The following ZNF704 variants were observed in gnomAD, a reference collection of about 807,000 sequenced individuals.
The protein encoded by ZNF704 is glucocorticoid induced gene 1.
ZNF704 carries 10 observed loss-of-function variants against 44.7 expected under a neutral mutation model. That is an observed-to-expected ratio of 0.22 (90% CI 0.14 to 0.38). The LOEUF (loss-of-function observed/expected upper bound fraction) is 0.38. ZNF704 is among the 10% of genes least tolerant of loss of function. The pLI is 1.00. For missense variants in ZNF704, 390 were observed against 545.5 expected (o/e 0.71, Z 2.84); for synonymous variants, 211 against 207.6 (o/e 1.02, Z -0.14).
chr8:80,724,653 G>T (rs1392194299), intron 2 of ZNF704, among the ~76,000 whole-genome samples: 1 of 152,002 alleles, frequency 6.6e-6, no homozygotes, highest in Non-Finnish European at 1.5e-5. Flanking sequence ...GTCAGGCTTC[G>T]TTCCCCTTCT....
chr8:80,873,833 G>A (rs1809305646), intron 1 of ZNF704, among the ~76,000 whole-genome samples: 1 of 147,510 alleles, frequency 6.8e-6, no homozygotes, highest in Admixed American at 6.7e-5. Context: ...GGTGGCCCGA[G>A]GGGGGCCGGT....
chr8:80,868,147 T>C (rs1213575589), intron 1 of ZNF704, among the ~76,000 whole-genome samples: 1 of 152,166 alleles, frequency 6.6e-6, no homozygotes, highest in African/African-American at 2.4e-5. Flanking sequence ...CGTCTGTTTG[T>C]GTGTTTGTTT....
chr8:80,683,307 C>T (rs1166485261), intron 4 of ZNF704, among the ~76,000 whole-genome samples: 1 of 152,178 alleles, frequency 6.6e-6, no homozygotes, highest in East Asian at 1.9e-4. Context: ...CCTTTCATTT[C>T]CCTTCTCACA....
intron 1 of ZNF704, among the ~76,000 whole-genome samples, chr8:80,828,664 T>C (rs1369095850): frequency 6.6e-6 from 1 of 152,236 alleles, no homozygotes; most frequent in Admixed American, 6.5e-5. Context: ...CAAATAGATT[T>C]AGATTTATAG....
chr8:80,716,512 A>T (rs1333325434), intron 2 of ZNF704, among the ~76,000 whole-genome samples: 1 of 152,230 alleles, frequency 6.6e-6, no homozygotes, highest in Non-Finnish European at 1.5e-5. Context: ...AGCCCAAGTC[A>T]TTTAAAAGAC....
At chr8:80,863,094 A>G (rs1809096811) in intron 1 of ZNF704, among the ~76,000 whole-genome samples, 1 of 151,926 alleles carries the variant, frequency 6.6e-6, no homozygotes, top group African/African-American at 2.4e-5. Context: ...ACAAGACTAC[A>G]TTTTTTCAAA....
chr8:80,765,239 C>G (rs993434662), intron 2 of ZNF704, among the ~76,000 whole-genome samples: 3 of 152,108 alleles, frequency 2.0e-5, no homozygotes, highest in Admixed American at 6.5e-5. Flanking sequence ...AAGAGAGAGG[C>G]CTTCTGTATT....
intron 1 of ZNF704, among the ~76,000 whole-genome samples, chr8:80,822,504 CAT>C (rs1309629912): frequency 2.6e-5 from 4 of 152,162 alleles, no homozygotes; most frequent in Non-Finnish European, 5.9e-5. Context: ...CCAAAATAAA[CAT>C]ATGTGTGCAT....
At chr8:80,728,260 T>C (rs1437617972) in intron 2 of ZNF704, among the ~76,000 whole-genome samples, 2 of 152,202 alleles carry the variant, frequency 1.3e-5, no homozygotes, top group African/African-American at 4.8e-5. Context: ...GTAGGGAATT[T>C]GCCTCAGGTC....
intron 2 of ZNF704, among the ~76,000 whole-genome samples, chr8:80,798,530 T>C (rs1586035400): frequency 6.6e-6 from 1 of 152,194 alleles, no homozygotes; most frequent in Admixed American, 6.5e-5. Context: ...GCTGGGATTA[T>C]AGGCGTGAGC....
intron 1 of ZNF704, among the ~76,000 whole-genome samples, chr8:80,826,124 T>C (rs185218747): frequency 0.014 from 2,069 of 152,050 alleles, 30 homozygotes; most frequent in Non-Finnish European, 0.02. Context: ...TTCAAAAAAA[T>C]CAATGAATCC....
intron 7 of ZNF704, among the ~76,000 whole-genome samples, chr8:80,649,043 G>A (rs1315377200): frequency 6.6e-6 from 1 of 152,138 alleles, no homozygotes; most frequent in East Asian, 1.9e-4. Context: ...CCATTTCCAA[G>A]TTCTATTTTG....
At chr8:80,822,230 C>CATTTACATTAGGTAT (rs1808285379) in intron 1 of ZNF704, among the ~76,000 whole-genome samples, 1 of 152,028 alleles carries the variant, frequency 6.6e-6, no homozygotes, top group African/African-American at 2.4e-5. Flanking sequence ...GTTAACTCAT[C>CATTTACATTAGGTAT]ATTTACATTA....
Position 80,664,763 on chromosome 8 carries a change from C to T in ZNF704, c.927+52G>A, listed in dbSNP as rs1029971566. ...CTTTTACTCATAGGCCAGATGGCCCCTGGTTTTGGTCAAGGTCAAAGTGAT... is the reference window on the plus strand; with the variant it reads ...CTTTTACTCATAGGCCAGATGGCCCTTGGTTTTGGTCAAGGTCAAAGTGAT... On this transcript the variant is annotated intron_variant, in intron 6 of 8. Coordinates refer to ENST00000327835, the MANE Select transcript of ZNF704 (RefSeq NM_001033723.3). 8.7e-6 allele frequency: 14 copies of T among 1,605,836 alleles called. No homozygotes were observed. In the African/African-American group the frequency reaches 1.9e-4, roughly 22 times the overall value.
chr8:80,663,394 G>A (rs987052677), intron 6 of ZNF704, among the ~76,000 whole-genome samples: 1 of 151,392 alleles, frequency 6.6e-6, no homozygotes, highest in African/African-American at 2.4e-5. Flanking sequence ...GTAACTTCTG[G>A]CAGGAAAAAA....
rs553400625 is a variant in ZNF704, at chr8:80,631,792, G to A, written c.*9574C>T. On this transcript the variant is annotated 3_prime_UTR_variant, in exon 9 of 9. Coordinates refer to ENST00000327835, the MANE Select transcript of ZNF704 (RefSeq NM_001033723.3). ...TCACCTAAAACCGTTCAGACAGATGGAATATTTCCCCCGAAGGGAGGGAAT... is the reference window on the plus strand; with the variant it reads ...TCACCTAAAACCGTTCAGACAGATGAAATATTTCCCCCGAAGGGAGGGAAT... 6 of 152,228 alleles carry A rather than the reference G, an allele frequency of 3.9e-5. No homozygotes were observed. Among genetic ancestry groups the A allele is most frequent in the African/African-American group, 1.4e-4 (6 of 41,450 alleles). 9.4% of individuals were successfully genotyped at this position (152,228 alleles called of 1,614,324 possible).
intron 4 of ZNF704, among the ~76,000 whole-genome samples, chr8:80,680,750 T>C (rs1158901307): frequency 2.0e-5 from 3 of 152,182 alleles, no homozygotes; most frequent in South Asian, 2.1e-4. Context: ...CCTTACCTTT[T>C]GGGGGCTTTA....
intron 4 of ZNF704, among the ~76,000 whole-genome samples, chr8:80,686,642 C>T (rs570525119): frequency 2.0e-5 from 3 of 152,202 alleles, no homozygotes; most frequent in Admixed American, 2.0e-4. Context: ...ATCTTCCTGC[C>T]TCTGTCTCCC....
intron 1 of ZNF704, among the ~76,000 whole-genome samples, chr8:80,846,873 G>A (rs1049970285): frequency 6.6e-6 from 1 of 152,172 alleles, no homozygotes; most frequent in Non-Finnish European, 1.5e-5. Flanking sequence ...GGAGACTGAA[G>A]TTTAAAACAC....
Sources: allele counts gnomAD v4.1 joint callset (sites outside exome capture counted in the v4.1 genomes callset), GRCh38; gene constraint gnomAD v4.1.1; transcripts MANE v1.5; gene names NCBI Gene and HGNC (gene_info 2026-07-23, HGNC 2026-07-21).